Variants in CDCP2 observed in about 807,000 individuals in gnomAD.
The protein encoded by CDCP2 is CUB domain-containing protein 2.
In CDCP2, 31 loss-of-function variants were observed where a neutral mutation model predicts 31.0. That is an observed-to-expected ratio of 1.00 (90% confidence interval 0.75 to 1.35). CDCP2 has a LOEUF of 1.35. Ranked by LOEUF, CDCP2 falls within the 40% of genes most tolerant of loss-of-function variation. The pLI is 0.00. For missense variants in CDCP2, 443 were observed against 482.6 expected, an observed-to-expected ratio of 0.92 and a Z score of 0.77; for synonymous variants, 206 against 207.9, an observed-to-expected ratio of 0.99 and a Z score of 0.08.
intron 4 of CDCP2, chr1:54,139,114 T>G (rs1310568320): frequency 5.7e-6 from 1 of 175,946 alleles, no homozygotes; most frequent in Non-Finnish European, 1.2e-5. Context: ...ATGCTTTTGC[T>G]TTCTTGATAA....
At chr1:54,151,909 T>C (rs183981040) in intron 1 of CDCP2, among the ~76,000 whole-genome samples, 3 of 152,162 alleles carry the variant, frequency 2.0e-5, no homozygotes, top group Admixed American at 2.0e-4. Flanking sequence ...GTGAGCCAGA[T>C]GTTCTCAGGT....
rs1429577094 is a variant in CDCP2 at position 54,152,833 on chromosome 1, A to C, written c.79+11T>G. ...CCCCTCTCAGTTCATGTCTGTCCCA[A>C]GAGTGCCTACCTTCCATGGCTTGGG... On this transcript the variant is annotated intron_variant, in intron 1 of 5. Transcript: ENST00000530059. 6.2e-7 allele frequency: 1 copy of C among 1,613,760 alleles called. No individual in the cohort carries two copies. Among genetic ancestry groups the C allele is most frequent in the Non-Finnish European group, 8.5e-7 (1 of 1,179,668 alleles).
rs1275262427 is a variant in CDCP2 at position 54,133,914 on chromosome 1, A to AAATAAACAAAC, written c.1297-621_1297-620insGTTTGTTTATT. Among the ~76,000 whole-genome samples, 3 of 147,812 alleles carry AAATAAACAAAC rather than the reference A, an allele frequency of 2.0e-5. No individual in the cohort carries two copies. The South Asian group carries it at 6.6e-4, about 33-fold the overall frequency. Reference sequence around the variant, plus strand: ...CCATCTCAAAAACAAACAAACAAACAAAAAAAACCCCATGTTACAGAGGAG... The same window carrying AAATAAACAAAC: ...CCATCTCAAAAACAAACAAACAAACAAATAAACAAACAAAAAAACCCCATGTTACAGAGGAG... On this transcript the variant is annotated intron_variant, in intron 5 of 5. Transcript: ENST00000530059.
chr1:54,134,391 A>G (rs1659221516), intron 5 of CDCP2, among the ~76,000 whole-genome samples: 2 of 152,230 alleles, frequency 1.3e-5, no homozygotes. Flanking sequence ...CCCACCTCAG[A>G]TGAAGGAGTC....
intron 2 of CDCP2, chr1:54,141,783 C>A (rs1043954613): frequency 1.9e-4 from 38 of 195,674 alleles, no homozygotes; most frequent in African/African-American, 8.6e-4. Flanking sequence ...AAGGAGTTTA[C>A]TTGGGAGATC....
intron 1 of CDCP2, among the ~76,000 whole-genome samples, chr1:54,151,274 G>A (rs886803289): frequency 2.0e-5 from 3 of 152,192 alleles, no homozygotes; most frequent in Non-Finnish European, 4.4e-5. Flanking sequence ...AAGGCTGTGT[G>A]AGGGCTGCAC....
chr1:54,141,398 C>A, exon 3 of CDCP2: 1 of 1,612,632 alleles, frequency 6.2e-7, no homozygotes, highest in African/African-American at 1.3e-5. Flanking sequence ...CTGGTGAGGA[C>A]CCCTGACAGG....
chr1:54,136,863 C>A, intron 4 of CDCP2, 55 bp from the exon 5 acceptor site: 1 of 399,096 alleles, frequency 2.5e-6, no homozygotes, highest in Non-Finnish European at 4.4e-6. Context: ...CTGACCCTCA[C>A]CTCCCCAACA....
intron 1 of CDCP2, among the ~76,000 whole-genome samples, chr1:54,147,989 G>T (rs994443439): frequency 1.3e-5 from 2 of 151,288 alleles, no homozygotes; most frequent in Non-Finnish European, 2.9e-5. Context: ...TCCAGCCTGG[G>T]CAACAGAGAA....
intron 5 of CDCP2, among the ~76,000 whole-genome samples, chr1:54,134,532 C>T (rs1659225147): frequency 6.6e-6 from 1 of 152,214 alleles, no homozygotes; most frequent in South Asian, 2.1e-4. Context: ...CCACTGCCTT[C>T]TTCAGGGTTT....
chr1:54,147,877 T>C (rs893007577), intron 1 of CDCP2, among the ~76,000 whole-genome samples: 2 of 151,390 alleles, frequency 1.3e-5, no homozygotes, highest in South Asian at 2.1e-4. Context: ...CCGGGCATGG[T>C]GGTGCATGTT....
chr1:54,132,930 C>A (rs1659190184), downstream of CDCP2: 1 of 398,610 alleles, frequency 2.5e-6, no homozygotes, highest in Non-Finnish European at 4.4e-6. Context: ...TAAGCTGCCT[C>A]CCAGGCATGT....
intron 2 of CDCP2, 199 bp from the exon 3 acceptor site, chr1:54,141,632 C>G: frequency 1.8e-6 from 1 of 546,592 alleles, no homozygotes; most frequent in Non-Finnish European, 3.2e-6. Context: ...GCTGCCTGTT[C>G]AAATCCTCAG....
exon 2 of CDCP2, chr1:54,144,528 G>A (rs1557707977): frequency 1.2e-6 from 2 of 1,610,928 alleles, no homozygotes; most frequent in Non-Finnish European, 8.5e-7. Context: ...GAAGATGACA[G>A]ACATGACATG....
chr1:54,146,097 C>T (rs1004876875), intron 1 of CDCP2, among the ~76,000 whole-genome samples: 2 of 151,650 alleles, frequency 1.3e-5, no homozygotes, highest in Non-Finnish European at 2.9e-5. Flanking sequence ...TATCATTTTG[C>T]AATTATTATA....
intron 4 of CDCP2, among the ~76,000 whole-genome samples, chr1:54,137,417 G>C (rs566642230): frequency 6.6e-6 from 1 of 152,218 alleles, no homozygotes; most frequent in Non-Finnish European, 1.5e-5. Flanking sequence ...GAGAGCTTCA[G>C]TTTTAAAAAG....
Position 54,141,182 on chromosome 1 carries a change from C to T in CDCP2, c.679G>A (p.Val227Met), listed in dbSNP as rs569599539. 1.6e-5 allele frequency: 25 copies of T among 1,589,956 alleles called. No individual in the cohort carries two copies. Among genetic ancestry groups the T allele is most frequent in the African/African-American group, 8.1e-5 (6 of 74,384 alleles). ...ACCTGCAGTTCGTGGCCCAGAGACA[C>T]GAGGGTGGGGGGCCTGGTGCTGCCA... Residue 227 changes from valine (V) to methionine (M), a missense_variant, in exon 3 of 6, where the codon GTG (valine) becomes ATG (methionine). Val to Met is a conservative substitution (Grantham distance 21). Coordinates refer to ENST00000530059, the Ensembl canonical transcript of CDCP2.
intron 3 of CDCP2, chr1:54,140,805 G>A (rs2100423659): frequency 6.6e-6 from 2 of 304,938 alleles, no homozygotes; most frequent in South Asian, 2.2e-4. Flanking sequence ...GTCAGACAGG[G>A]GAGATTGACA....
At chr1:54,136,940 G>A (rs763773418) in intron 4 of CDCP2, 132 bp from the exon 5 acceptor site, 1 of 397,668 alleles carries the variant, frequency 2.5e-6, no homozygotes, top group South Asian at 1.4e-4. Flanking sequence ...AAGCTCTTAC[G>A]GAATCCTACA....
Sources: gnomAD v4.1 joint callset for allele counts (sites outside exome capture counted in the v4.1 genomes callset) on GRCh38, gnomAD v4.1.1 for gene constraint, MANE v1.5 for transcripts, NCBI Gene and HGNC (gene_info 2026-07-23, HGNC 2026-07-21) for gene names.